The following CFDP1 variants were observed in gnomAD, a reference collection of about 807,000 sequenced individuals.
The protein encoded by CFDP1 is chromatin remodeling protein CFDP1, also known as heterochromatin-stabilizing protein CFDP1.
Under a neutral mutation model 40.1 loss-of-function variants are expected in CFDP1, and 31 were observed. The ratio of observed to expected loss-of-function variants is 0.77; its 90% CI spans 0.58 to 1.04. The LOEUF (loss-of-function observed/expected upper bound fraction) is 1.04. CFDP1 is among the 50% of genes least tolerant of loss of function. The probability of loss-of-function intolerance (pLI) is 0.00; values close to 1 mark genes in which losing one functional copy is unlikely to be tolerated. For missense variants in CFDP1, 423 were observed against 343.4 expected, an observed-to-expected ratio of 1.23 and a Z score of -1.83; for synonymous variants, 167 against 120.0, an observed-to-expected ratio of 1.39 and a Z score of -2.56.
rs139531562 is a variant in CFDP1, at chr16:75,377,066, G to A, written c.650+18024C>T. On this transcript the variant is annotated intron_variant, in intron 5 of 6. Transcript: ENST00000283882. ...ATAAAGCTGTTTTCTTCTACCACCA[G>A]CTAGCTCTTGAATTACTTCCTGAGC... 1.2e-4 allele frequency among the ~76,000 whole-genome samples: 18 copies of A among 152,328 alleles called. No individual in the cohort carries two copies. In the East Asian group the frequency reaches 3.5e-3, roughly 29 times the overall value.
intron 5 of CFDP1, among the ~76,000 whole-genome samples, chr16:75,316,381 A>C (rs1009364855): frequency 2.6e-5 from 4 of 152,186 alleles, no homozygotes; most frequent in Non-Finnish European, 4.4e-5. Context: ...GTCTACAGAC[A>C]GACTAGGGTG....
At chr16:75,371,453 G>A (rs2078750631) in intron 5 of CFDP1, among the ~76,000 whole-genome samples, 1 of 152,110 alleles carries the variant, frequency 6.6e-6, no homozygotes, top group Admixed American at 6.6e-5. Context: ...AACCTGAATG[G>A]GGGGCGAGGT....
intron 5 of CFDP1, among the ~76,000 whole-genome samples, chr16:75,367,164 C>CAAAAA (rs35018865): frequency 1.1e-5 from 1 of 87,012 alleles, no homozygotes; most frequent in Non-Finnish European, 2.3e-5. Flanking sequence ...GACTCCATCT[C>CAAAAA]AAAAAAAAAA....
chr16:75,349,698 T>TATATATATATATATATACAC lies in CFDP1; in HGVS notation c.651-44517_651-44516insGTGTATATATATATATATAT, dbSNP rs146824267. On this transcript the variant is annotated intron_variant, in intron 5 of 6. Coordinates refer to ENST00000283882, the MANE Select transcript of CFDP1 (RefSeq NM_006324.3). The stretch of plus-strand genomic sequence containing the variant: ...AAAAAAAAAAAAAAAAAAATATATA[T>TATATATATATATATATACAC]ACATACATATATACGGTTGATTTTT... 9.5e-3 allele frequency among the ~76,000 whole-genome samples: 453 copies of TATATATATATATATATACAC among 47,874 alleles called. 39 individuals are homozygous for TATATATATATATATATACAC. Among genetic ancestry groups the TATATATATATATATATACAC allele is most frequent in the Middle Eastern group, 0.014 (1 of 72 alleles). 31.4% of individuals were successfully genotyped at this position (47,874 alleles called of 152,430 possible). A position where few individuals can be genotyped will look rare whatever the true frequency, so the allele number is the denominator to read the frequency against.
intron 5 of CFDP1, among the ~76,000 whole-genome samples, chr16:75,344,033 C>A (rs1185612800): frequency 6.6e-6 from 1 of 152,158 alleles, no homozygotes; most frequent in Non-Finnish European, 1.5e-5. Flanking sequence ...ATTAAAGCAG[C>A]ACGAATAATT....
intron 5 of CFDP1, among the ~76,000 whole-genome samples, chr16:75,309,737 G>A (rs1380373252): frequency 2.8e-5 from 4 of 140,852 alleles, no homozygotes; most frequent in African/African-American, 5.2e-5. Context: ...GGAGAATGGC[G>A]TGAACCCAGG....
At chr16:75,392,429 C>T (rs369860566) in intron 5 of CFDP1, among the ~76,000 whole-genome samples, 16 of 150,974 alleles carry the variant, frequency 1.1e-4, no homozygotes, top group African/African-American at 3.4e-4. Context: ...AACAAAGCAA[C>T]AAAAAAAAAC....
intron 6 of CFDP1, among the ~76,000 whole-genome samples, chr16:75,294,982 T>C (rs1262873428): frequency 2.6e-5 from 4 of 152,206 alleles, no homozygotes; most frequent in Non-Finnish European, 4.4e-5. Flanking sequence ...GCGATTTGCC[T>C]GGGCGGAGGA....
At chr16:75,358,817 G>A (rs1029973984) in intron 5 of CFDP1, among the ~76,000 whole-genome samples, 5 of 152,042 alleles carry the variant, frequency 3.3e-5, no homozygotes, top group East Asian at 1.9e-4. Context: ...GCCTACCACC[G>A]TGAACTAGAC....
chr16:75,421,162 C>A (rs1012076854), intron 1 of CFDP1, among the ~76,000 whole-genome samples: 1 of 152,330 alleles, frequency 6.6e-6, no homozygotes, highest in East Asian at 1.9e-4. Flanking sequence ...CCCGGCCCCT[C>A]TTCTTCCTGT....
chr16:75,383,783 C>T (rs576220042), intron 5 of CFDP1, among the ~76,000 whole-genome samples: 2 of 147,120 alleles, frequency 1.4e-5, no homozygotes, highest in South Asian at 4.3e-4. Context: ...CGTGCCACTG[C>T]ACTCTAGCCT....
At chr16:75,329,105 T>C (rs2078426516) in intron 5 of CFDP1, among the ~76,000 whole-genome samples, 1 of 152,130 alleles carries the variant, frequency 6.6e-6, no homozygotes, top group Non-Finnish European at 1.5e-5. Flanking sequence ...CGCCTCGGCC[T>C]CCTAAAGTGC....
In CFDP1 at chr16:75,405,401, C is replaced by G. The variant is rs377248001; in HGVS notation, c.530+6424G>C. ...CCAACACTTTGGGAGGCCAAGCAGG[C>G]AGATGCTTGAGCCCAGGAGTTTGAC... On this transcript the variant is annotated intron_variant, in intron 4 of 6. Coordinates refer to ENST00000283882, the MANE Select transcript of CFDP1 (RefSeq NM_006324.3). Among the ~76,000 whole-genome samples the G allele has an allele frequency of 7.9e-5, 12 of 151,922 alleles. No homozygotes were observed. The South Asian group carries it at 2.5e-3, about 32-fold the overall frequency.
At chr16:75,430,407 G>A (rs2079397714) in intron 1 of CFDP1, among the ~76,000 whole-genome samples, 2 of 151,290 alleles carry the variant, frequency 1.3e-5, no homozygotes, top group South Asian at 4.2e-4. Flanking sequence ...CTGACCTCAG[G>A]CAATCCGCCC....
intron 5 of CFDP1, among the ~76,000 whole-genome samples, chr16:75,313,058 T>G (rs920033147): frequency 6.6e-6 from 1 of 152,206 alleles, no homozygotes; most frequent in Non-Finnish European, 1.5e-5. Flanking sequence ...TAACAGTCCT[T>G]TACTGGTCTA....
At chr16:75,403,818 T>C (rs973052333) in intron 4 of CFDP1, among the ~76,000 whole-genome samples, 12 of 152,150 alleles carry the variant, frequency 7.9e-5, no homozygotes, top group African/African-American at 2.4e-4. Context: ...TAAAATATAT[T>C]ACTAATTCAT....
intron 5 of CFDP1, among the ~76,000 whole-genome samples, chr16:75,315,303 G>C (rs1300027566): frequency 3.5e-5 from 4 of 113,456 alleles, no homozygotes; most frequent in South Asian, 6.5e-4. Flanking sequence ...CTACACACCA[G>C]CCTGGGTGAC....
intron 5 of CFDP1, among the ~76,000 whole-genome samples, chr16:75,314,943 G>A (rs2078315014): frequency 2.0e-5 from 3 of 152,054 alleles, no homozygotes; most frequent in Admixed American, 2.0e-4. Context: ...GTAGAGATGG[G>A]GTTTCACCAT....
intron 5 of CFDP1, among the ~76,000 whole-genome samples, chr16:75,316,830 G>A (rs535530852): frequency 2.0e-5 from 3 of 151,996 alleles, no homozygotes; most frequent in South Asian, 4.2e-4. Flanking sequence ...TTAGCCGGGC[G>A]TGGAGGCGCA....
Sources: allele counts gnomAD v4.1 joint callset (sites outside exome capture counted in the v4.1 genomes callset), GRCh38; gene constraint gnomAD v4.1.1; transcripts MANE v1.5; gene names NCBI Gene and HGNC (gene_info 2026-07-23, HGNC 2026-07-21).